MYO3B: variants seen among roughly 807,000 people sequenced by gnomAD.
MYO3B encodes myosin-IIIb.
In MYO3B, 156 loss-of-function variants were observed where a neutral mutation model predicts 174.6. The ratio of observed to expected loss-of-function variants is 0.89; its 90% CI spans 0.78 to 1.02. The LOEUF is 1.02. Among genes scored for constraint, MYO3B ranks in the 50% least tolerant of loss-of-function variants. The pLI is 0.00. For missense variants in MYO3B, 1,632 were observed against 1,639.4 expected (o/e 1.00, Z 0.08); for synonymous variants, 563 against 569.1 (o/e 0.99, Z 0.15).
chr2:170,262,637 A>C (rs1276728571), intron 7 of MYO3B, among the ~76,000 whole-genome samples: 3 of 152,148 alleles, frequency 2.0e-5, no homozygotes, highest in Non-Finnish European at 4.4e-5. Flanking sequence ...GAAGAAATCA[A>C]AGCTGATCCT....
chr2:170,478,525 A>AATTG (rs1464915985), intron 25 of MYO3B, among the ~76,000 whole-genome samples: 1 of 11,698 alleles, frequency 8.5e-5, no homozygotes, highest in Non-Finnish European at 1.5e-4. Context: ...GTTATTGTAC[A>AATTG]CACACACACA....
rs765237147 is a variant in MYO3B, at chr2:170,514,999, G to T, written c.3449G>T (p.Cys1150Phe). 6.2e-7 allele frequency: 1 copy of T among 1,614,006 alleles called. No individual in the cohort carries two copies. The highest frequency in any genetic ancestry group is 1.1e-5 in the South Asian group (1 of 91,018). ...AGGGGAAGTGCCGAGGTTCAAGACT[G>T]CAGCGAGCCTGGTGACCATAAAGGT... ...GTRGSAEVQD[C>F]SEPGDHKVLR... Residue 1150 changes from cysteine (C) to phenylalanine (F), a missense_variant, in exon 29 of 35, where the codon TGC (cysteine) becomes TTC (phenylalanine). By Grantham distance (205) the Cys-to-Phe change is radical. Transcript: ENST00000408978.
At chr2:170,517,181 C>T (rs1387444119) in intron 29 of MYO3B, among the ~76,000 whole-genome samples, 1 of 152,236 alleles carries the variant, frequency 6.6e-6, no homozygotes, top group African/African-American at 2.4e-5. Context: ...GAGCAGATTC[C>T]TTCTAAGCTT....
At chr2:170,251,391 A>C (rs2093252006) in intron 7 of MYO3B, among the ~76,000 whole-genome samples, 1 of 152,104 alleles carries the variant, frequency 6.6e-6, no homozygotes, top group South Asian at 2.1e-4. Context: ...CATTTTTAGG[A>C]AAATGGTTTT....
intron 32 of MYO3B, among the ~76,000 whole-genome samples, chr2:170,580,718 A>ATATATGTG (rs768974458): frequency 1.3e-4 from 18 of 142,702 alleles, no homozygotes; most frequent in African/African-American, 2.6e-4. Flanking sequence ...AACCTTATAT[A>ATATATGTG]TGTGTGTGTG....
intron 7 of MYO3B, among the ~76,000 whole-genome samples, chr2:170,331,435 G>C (rs894113601): frequency 5.3e-5 from 8 of 152,172 alleles, no homozygotes; most frequent in Non-Finnish European, 8.8e-5. Flanking sequence ...GAGATGATGA[G>C]TAACTGGACT....
At chr2:170,207,056 A>G (rs563776187) in intron 3 of MYO3B, among the ~76,000 whole-genome samples, 15 of 152,162 alleles carry the variant, frequency 9.9e-5, no homozygotes, top group Non-Finnish European at 1.9e-4. Context: ...ACCATGCCAT[A>G]CTTTCATTTC....
At position 170,200,737 on chromosome 2, in the gene MYO3B, C is replaced by T. The variant is rs530914573; in HGVS notation, c.321+453C>T. Among the ~76,000 whole-genome samples, 12 of 152,226 alleles carry T rather than the reference C, an allele frequency of 7.9e-5. No individual in the cohort carries two copies. The East Asian group carries it at 2.3e-3, about 29-fold the overall frequency. On this transcript the variant is annotated intron_variant, in intron 3 of 34. Coordinates refer to ENST00000408978, the MANE Select transcript of MYO3B (RefSeq NM_138995.5). ...AGAATTGTGTATGGAAAGTTTGTTG[C>T]AGAGTTCTTAGCGGAGGTAGACCTA...
intron 30 of MYO3B, among the ~76,000 whole-genome samples, chr2:170,539,834 C>A (rs1689970211): frequency 6.6e-6 from 1 of 151,996 alleles, no homozygotes; most frequent in Admixed American, 6.6e-5. Context: ...GTTGCCCAGG[C>A]TAGTCTCCAA....
intron 28 of MYO3B, among the ~76,000 whole-genome samples, 161 bp from the exon 29 acceptor site, chr2:170,514,760 T>A (rs1006974871): frequency 2.6e-5 from 4 of 152,208 alleles, no homozygotes; most frequent in African/African-American, 7.2e-5. Flanking sequence ...GTATTAAATC[T>A]TAAAAATAAG....
At chr2:170,209,775 C>T (rs898473172) in intron 3 of MYO3B, among the ~76,000 whole-genome samples, 2 of 152,142 alleles carry the variant, frequency 1.3e-5, no homozygotes, top group African/African-American at 4.8e-5. Flanking sequence ...ATGATGATAG[C>T]ATATACATTA....
chr2:170,371,597 A>C (rs2094245145), intron 9 of MYO3B, among the ~76,000 whole-genome samples: 1 of 152,112 alleles, frequency 6.6e-6, no homozygotes, highest in African/African-American at 2.4e-5. Flanking sequence ...CTGGCTACAT[A>C]GATGTTTTTC....
intron 25 of MYO3B, among the ~76,000 whole-genome samples, chr2:170,477,096 G>A (rs191684767): frequency 1.3e-5 from 2 of 152,244 alleles, no homozygotes; most frequent in African/African-American, 2.4e-5. Context: ...TTCCATAACT[G>A]GTCTCAACTG....
intron 7 of MYO3B, among the ~76,000 whole-genome samples, chr2:170,276,700 G>A (rs1049062653): frequency 2.6e-5 from 4 of 152,110 alleles, no homozygotes; most frequent in Non-Finnish European, 4.4e-5. Context: ...TTTAATGCCT[G>A]CCTAATATAA....
intron 22 of MYO3B, among the ~76,000 whole-genome samples, chr2:170,426,733 C>A (rs1253727575): frequency 6.6e-6 from 1 of 151,966 alleles, no homozygotes; most frequent in Admixed American, 6.6e-5. Context: ...GAAATAGATA[C>A]TTAGGGCCAG....
chr2:170,299,322 C>T (rs2093649772), intron 7 of MYO3B, among the ~76,000 whole-genome samples: 1 of 152,152 alleles, frequency 6.6e-6, no homozygotes, highest in Non-Finnish European at 1.5e-5. Flanking sequence ...TTCAGTGAGG[C>T]AGACTTACAT....
intron 22 of MYO3B, among the ~76,000 whole-genome samples, chr2:170,423,856 G>A (rs1213697476): frequency 6.6e-6 from 1 of 152,190 alleles, no homozygotes; most frequent in Non-Finnish European, 1.5e-5. Flanking sequence ...TGGGATCATA[G>A]GCATGAGCCA....
chr2:170,217,721 A>C (rs1451797285), intron 6 of MYO3B, among the ~76,000 whole-genome samples: 1 of 152,226 alleles, frequency 6.6e-6, no homozygotes, highest in Non-Finnish European at 1.5e-5. Context: ...TTCCCTGGAT[A>C]CATGCAGCCC....
intron 32 of MYO3B, among the ~76,000 whole-genome samples, chr2:170,580,720 G>A (rs112615477): frequency 0.12 from 5,840 of 49,228 alleles, 380 homozygotes; most frequent in East Asian, 0.53. Flanking sequence ...CCTTATATAT[G>A]TGTGTGTGTG....
Sources: allele counts gnomAD v4.1 joint callset (sites outside exome capture counted in the v4.1 genomes callset), GRCh38; gene constraint gnomAD v4.1.1; transcripts MANE v1.5; gene names NCBI Gene and HGNC (gene_info 2026-07-23, HGNC 2026-07-21).